CTNNA3: variants seen among roughly 807,000 people sequenced by gnomAD.
CTNNA3 encodes the protein catenin alpha 3.
In CTNNA3, 76 loss-of-function variants were observed where a neutral mutation model predicts 95.7. The ratio of observed to expected loss-of-function variants is 0.79; its 90% CI spans 0.66 to 0.96. The LOEUF (loss-of-function observed/expected upper bound fraction) is 0.96. CTNNA3 is among the 40% of genes least tolerant of loss of function. The pLI, the probability that CTNNA3 is intolerant of heterozygous loss-of-function variation, is 0.00. For missense variants in CTNNA3, 1,191 were observed against 1,089.8 expected, an observed-to-expected ratio of 1.09 and a Z score of -1.31; for synonymous variants, 431 against 374.4, an observed-to-expected ratio of 1.15 and a Z score of -1.74.
chr10:66,069,338 A>T lies in CTNNA3; in HGVS notation c.2129T>A (p.Met710Lys). The change falls in exon 15 of 18, where the codon ATG (methionine) becomes AAG (lysine). Residue 710 changes from methionine to lysine, a missense_variant. Transcript: ENST00000433211. Reference sequence around the variant, plus strand: ...GAAGTCTGTCATCTCCATCATGATCATACACATGTTCTTGGCCAGAACAAT... The same window carrying T: ...GAAGTCTGTCATCTCCATCATGATCTTACACATGTTCTTGGCCAGAACAAT... ...DIIVLAKNMC[M>K]IMMEMTDFTR... The T allele has an allele frequency of 3.1e-6, 5 of 1,613,590 alleles. No homozygotes were observed. Among genetic ancestry groups the T allele is most frequent in the Non-Finnish European group, 3.4e-6 (4 of 1,179,692 alleles).
intron 13 of CTNNA3, among the ~76,000 whole-genome samples, chr10:66,252,603 G>C (rs1006900043): frequency 1.3e-5 from 2 of 152,056 alleles, no homozygotes; most frequent in Admixed American, 6.6e-5. Context: ...TGAATATATG[G>C]GAATACCTAA....
At chr10:66,620,108 A>G (rs1452297960) in intron 10 of CTNNA3, among the ~76,000 whole-genome samples, 1 of 152,160 alleles carries the variant, frequency 6.6e-6, no homozygotes, top group Non-Finnish European at 1.5e-5. Flanking sequence ...TACTCTTTTA[A>G]CAACATAATG....
intron 5 of CTNNA3, among the ~76,000 whole-genome samples, chr10:67,234,664 G>A (rs1373789857): frequency 6.6e-6 from 1 of 151,694 alleles, no homozygotes; most frequent in Non-Finnish European, 1.5e-5. Context: ...TCTGGCCAGG[G>A]CAATTAGGCA....
intron 16 of CTNNA3, among the ~76,000 whole-genome samples, chr10:65,975,485 T>G (rs1039920492): frequency 6.6e-6 from 1 of 152,106 alleles, no homozygotes; most frequent in African/African-American, 2.4e-5. Context: ...ATGTGCCACA[T>G]GCTATGGAAA....
At chr10:67,690,607 C>T (rs906676984) in intron 1 of CTNNA3, among the ~76,000 whole-genome samples, 1 of 152,144 alleles carries the variant, frequency 6.6e-6, no homozygotes, top group Non-Finnish European at 1.5e-5. Context: ...GGTGCGTTTA[C>T]AAACCTTTAG....
At chr10:66,771,726 T>C (rs1021207415) in intron 8 of CTNNA3, among the ~76,000 whole-genome samples, 2 of 152,138 alleles carry the variant, frequency 1.3e-5, no homozygotes, top group African/African-American at 4.8e-5. Flanking sequence ...GGAATAAAAA[T>C]TAATAATGTA....
intron 12 of CTNNA3, among the ~76,000 whole-genome samples, chr10:66,290,446 A>G (rs992946419): frequency 1.3e-5 from 2 of 152,120 alleles, no homozygotes; most frequent in Admixed American, 6.6e-5. Context: ...TCAAATGAAA[A>G]TGATAATTTC....
At chr10:67,499,034 C>T (rs886856240) in intron 5 of CTNNA3, among the ~76,000 whole-genome samples, 27 of 152,120 alleles carry the variant, frequency 1.8e-4, no homozygotes, top group African/African-American at 4.1e-4. Context: ...GGAATGCTTC[C>T]GGTTTTTGTC....
chr10:67,291,864 T>G (rs898839533), intron 5 of CTNNA3, among the ~76,000 whole-genome samples: 2 of 152,114 alleles, frequency 1.3e-5, no homozygotes, highest in South Asian at 2.1e-4. Flanking sequence ...AAAAGGCAAA[T>G]TAATTACAGA....
At chr10:66,868,370 A>C (rs1844265883) in intron 7 of CTNNA3, among the ~76,000 whole-genome samples, 1 of 144,480 alleles carries the variant, frequency 6.9e-6, no homozygotes, top group African/African-American at 2.7e-5. Flanking sequence ...TGTCGCAAAA[A>C]TTAAAAAAAA....
At chr10:66,907,699 T>C (rs1177575818) in intron 7 of CTNNA3, among the ~76,000 whole-genome samples, 1 of 152,164 alleles carries the variant, frequency 6.6e-6, no homozygotes, top group Admixed American at 6.6e-5. Flanking sequence ...TCAGAGAACA[T>C]CATCAATATC....
chr10:65,930,502 G>A (rs1256147279), intron 17 of CTNNA3, among the ~76,000 whole-genome samples: 1 of 152,164 alleles, frequency 6.6e-6, no homozygotes, highest in Non-Finnish European at 1.5e-5. Context: ...TCTTGACTAG[G>A]AAAATGTTCT....
chr10:66,438,218 C>G (rs1044523756), intron 11 of CTNNA3, among the ~76,000 whole-genome samples: 1 of 152,212 alleles, frequency 6.6e-6, no homozygotes, highest in East Asian at 1.9e-4. Flanking sequence ...TAGCAGAGCT[C>G]AAGCTCTGTG....
At chr10:66,396,604 A>G (rs2092980047) in intron 11 of CTNNA3, among the ~76,000 whole-genome samples, 1 of 152,114 alleles carries the variant, frequency 6.6e-6, no homozygotes, top group African/African-American at 2.4e-5. Context: ...ACAGCTTCCC[A>G]ACAATTCATT....
chr10:67,429,723 A>C (rs1846044609), intron 5 of CTNNA3, among the ~76,000 whole-genome samples: 1 of 152,000 alleles, frequency 6.6e-6, no homozygotes, highest in Non-Finnish European at 1.5e-5. Flanking sequence ...TTTTTGATAA[A>C]GCAAATTGTC....
intron 9 of CTNNA3, among the ~76,000 whole-genome samples, chr10:66,685,206 C>A (rs5785779): frequency 8.6e-6 from 1 of 116,900 alleles, no homozygotes; most frequent in Non-Finnish European, 1.8e-5. Context: ...TATATATATA[C>A]GTATATATAT....
chr10:66,379,569 A>G (rs1250778440), intron 11 of CTNNA3, among the ~76,000 whole-genome samples: 1 of 152,212 alleles, frequency 6.6e-6, no homozygotes, highest in East Asian at 1.9e-4. Context: ...TACATTTTTA[A>G]GAGAAATTTG....
intron 7 of CTNNA3, among the ~76,000 whole-genome samples, chr10:66,991,042 T>C (rs1476760062): frequency 6.6e-6 from 1 of 152,154 alleles, no homozygotes; most frequent in Non-Finnish European, 1.5e-5. Context: ...TTGCTAGTGG[T>C]ACAAGTCTTA....
intron 5 of CTNNA3, among the ~76,000 whole-genome samples, chr10:67,353,214 A>G (rs1219681287): frequency 6.6e-6 from 1 of 151,948 alleles, no homozygotes; most frequent in Admixed American, 6.6e-5. Flanking sequence ...ATTAGGTGCC[A>G]TACAAGACTG....
Sources: gnomAD v4.1 joint callset for allele counts (sites outside exome capture counted in the v4.1 genomes callset) on GRCh38, gnomAD v4.1.1 for gene constraint, MANE v1.5 for transcripts, NCBI Gene and HGNC (gene_info 2026-07-23, HGNC 2026-07-21) for gene names.